Variants in GRAMD1C observed in about 807,000 individuals in gnomAD.
The protein encoded by GRAMD1C is protein Aster-C.
In GRAMD1C, 89 loss-of-function variants were observed where a neutral mutation model predicts 97.8. The observed-to-expected ratio is 0.91, with a 90% CI of 0.77 to 1.09. The LOEUF is 1.09. GRAMD1C is among the 50% of genes least tolerant of loss of function. The pLI is 0.00. For missense variants in GRAMD1C, 740 were observed against 766.4 expected (o/e 0.97, Z 0.41); for synonymous variants, 256 against 267.0 (o/e 0.96, Z 0.40).
rs2107393749 is a variant in GRAMD1C at position 113,945,948 on chromosome 3, A to G, written c.*470A>G. 1 of 153,192 alleles carries G rather than the reference A, an allele frequency of 6.5e-6. No individual in the cohort carries two copies. Among genetic ancestry groups the G allele is most frequent in the Middle Eastern group, 3.4e-3 (1 of 296 alleles). 9.5% of individuals were successfully genotyped at this position (153,192 alleles called of 1,614,324 possible). ...TTTTAAAGGTTCTGTTTTCAGGCAT[A>G]TAACATTTCCAGGTTTGTGTACTGT... On this transcript the variant is annotated 3_prime_UTR_variant, in exon 18 of 18. Coordinates refer to ENST00000358160, the MANE Select transcript of GRAMD1C (RefSeq NM_017577.5).
chr3:113,838,525 G>A (rs529719088), upstream of GRAMD1C: 1 of 186,136 alleles, frequency 5.4e-6, no homozygotes, highest in Non-Finnish European at 1.1e-5. Context: ...TAGCCGAGAC[G>A]GGGCCTTGGC....
At chr3:113,886,954 G>A (rs972012937) in intron 6 of GRAMD1C, among the ~76,000 whole-genome samples, 2 of 150,818 alleles carry the variant, frequency 1.3e-5, no homozygotes, top group African/African-American at 4.9e-5. Flanking sequence ...GCTAATTTTT[G>A]TATTTTTAGT....
At chr3:113,857,146 T>G (rs967536822) in intron 2 of GRAMD1C, among the ~76,000 whole-genome samples, 5 of 149,838 alleles carry the variant, frequency 3.3e-5, no homozygotes, top group African/African-American at 9.9e-5. Flanking sequence ...GCCCTATATG[T>G]CTTTTATTTC....
At chr3:113,884,607 C>T (rs747874431) in intron 6 of GRAMD1C, among the ~76,000 whole-genome samples, 18 of 152,032 alleles carry the variant, frequency 1.2e-4, no homozygotes, top group Admixed American at 2.0e-4. Flanking sequence ...CCCAGGCGGG[C>T]GGATCACGAG....
Position 113,838,859 on chromosome 3 carries a change from G to T in GRAMD1C, c.-51G>T. The T allele has an allele frequency of 8.3e-7, 1 of 1,206,226 alleles. No individual in the cohort carries two copies. The highest frequency in any genetic ancestry group is 1.0e-6 in the Non-Finnish European group (1 of 965,090). The allele number at this position is 1,206,226 out of a possible 1,614,324, so 74.7% of individuals were successfully genotyped here. ...CGCGCGCTGGAGGTGGGCGCGGGGC[G>T]GTGCGGTGCGGTGCGCGCGGGGCGG... On this transcript the variant is annotated 5_prime_UTR_variant, in exon 1 of 18. Transcript: ENST00000358160.
chr3:113,936,001 A>G (rs568058071), intron 13 of GRAMD1C, among the ~76,000 whole-genome samples: 105 of 152,326 alleles, frequency 6.9e-4, no homozygotes, highest in African/African-American at 2.4e-3. Flanking sequence ...TATTACATTA[A>G]TATGTATTAA....
chr3:113,940,047 T>G, intron 16 of GRAMD1C, 51 bp downstream of exon 16: 1 of 1,059,720 alleles, frequency 9.4e-7, no homozygotes, highest in South Asian at 1.3e-5. Flanking sequence ...TCAGTAATTC[T>G]TCAGTTGCAG....
intron 6 of GRAMD1C, among the ~76,000 whole-genome samples, chr3:113,886,632 A>C (rs1935493200): frequency 6.6e-6 from 1 of 152,162 alleles, no homozygotes; most frequent in African/African-American, 2.4e-5. Flanking sequence ...TTGAAAAAAA[A>C]ATAAATTAGA....
intron 2 of GRAMD1C, among the ~76,000 whole-genome samples, chr3:113,862,320 G>A (rs527507136): frequency 6.3e-4 from 96 of 152,254 alleles, no homozygotes; most frequent in South Asian, 1.4e-3. Context: ...CTCCTAAAGC[G>A]GCCATTTCAG....
chr3:113,936,444 T>G lies in GRAMD1C; in HGVS notation c.1633+2T>G, dbSNP rs1016498334. On this transcript the variant is annotated splice_donor_variant, in intron 14 of 17. Transcript: ENST00000358160. LOFTEE classifies it high-confidence loss of function. ...TAGGTGCCAAAGGGGATATTACAGG[T>G]AGTTGTCACCTGGTAAACAGAGATG... is the stretch of plus-strand genomic sequence containing the variant. 6.3e-7 allele frequency: 1 copy of G among 1,583,340 alleles called. No homozygotes were observed. Among genetic ancestry groups the G allele is most frequent in the African/African-American group, 1.4e-5 (1 of 74,008 alleles).
intron 10 of GRAMD1C, among the ~76,000 whole-genome samples, chr3:113,920,828 C>T (rs1937019612): frequency 6.6e-6 from 1 of 152,114 alleles, no homozygotes; most frequent in Admixed American, 6.6e-5. Flanking sequence ...CAGCATGAGC[C>T]ACCACACCTG....
intron 1 of GRAMD1C, among the ~76,000 whole-genome samples, chr3:113,842,741 T>A (rs1476379087): frequency 1.3e-5 from 2 of 152,090 alleles, no homozygotes; most frequent in African/African-American, 4.8e-5. Flanking sequence ...GGTGGGCTGA[T>A]CACGTGAGGT....
intron 3 of GRAMD1C, among the ~76,000 whole-genome samples, chr3:113,874,746 A>G (rs1194643835): frequency 6.6e-6 from 1 of 152,112 alleles, no homozygotes; most frequent in African/African-American, 2.4e-5. Flanking sequence ...TCAATCACCA[A>G]TTCACCATCA....
At chr3:113,873,819 G>T (rs755626912) in intron 3 of GRAMD1C, among the ~76,000 whole-genome samples, 6 of 152,074 alleles carry the variant, frequency 3.9e-5, no homozygotes, top group Non-Finnish European at 7.4e-5. Context: ...ACACTCGGCC[G>T]CAATATGTGT....
At chr3:113,867,044 T>A (rs904404210) in intron 2 of GRAMD1C, among the ~76,000 whole-genome samples, 1 of 152,114 alleles carries the variant, frequency 6.6e-6, no homozygotes, top group Non-Finnish European at 1.5e-5. Context: ...TTGGCCAGAC[T>A]GGTCTTGAAC....
chr3:113,860,169 G>A lies in GRAMD1C; in HGVS notation c.175-9338G>A, dbSNP rs539841527. On this transcript the variant is annotated intron_variant, in intron 2 of 17. Transcript: ENST00000358160. ...CCTGAGTAGCTGGGATTACAGGCGC[G>A]TGCCACCACGCCCAGCTAATTTTCG... Among the ~76,000 whole-genome samples, 30 of 152,080 alleles carry A rather than the reference G, an allele frequency of 2.0e-4. 1 individual carries two copies. In the East Asian group the frequency reaches 4.8e-3, roughly 24 times the overall value.
At chr3:113,920,590 GGA>G (rs1937007953) in intron 10 of GRAMD1C, among the ~76,000 whole-genome samples, 1 of 152,078 alleles carries the variant, frequency 6.6e-6, no homozygotes, top group Non-Finnish European at 1.5e-5. Context: ...TGCCCAGGCT[GGA>G]GTGCAATGGT....
intron 6 of GRAMD1C, among the ~76,000 whole-genome samples, chr3:113,888,998 C>T (rs1169016116): frequency 6.6e-6 from 1 of 152,122 alleles, no homozygotes; most frequent in Non-Finnish European, 1.5e-5. Flanking sequence ...GTCGGGAGTT[C>T]GAGACCAGCC....
intron 5 of GRAMD1C, among the ~76,000 whole-genome samples, chr3:113,882,109 T>C (rs956140085): frequency 1.3e-5 from 2 of 152,168 alleles, no homozygotes; most frequent in African/African-American, 4.8e-5. Flanking sequence ...TTGCATTTTC[T>C]TATAAAAGCC....
Sources: allele counts gnomAD v4.1 joint callset (sites outside exome capture counted in the v4.1 genomes callset), GRCh38; gene constraint gnomAD v4.1.1; transcripts MANE v1.5; gene names NCBI Gene and HGNC (gene_info 2026-07-23, HGNC 2026-07-21).